The following ARHGAP42 variants were observed in gnomAD, a reference collection of about 807,000 sequenced individuals.
ARHGAP42 encodes Rho GTPase activating protein 42.
A neutral mutation model predicts 125.0 loss-of-function variants in ARHGAP42; 63 were observed. The observed-to-expected ratio is 0.50, with a 90% CI of 0.41 to 0.62. The LOEUF is 0.62. ARHGAP42 is among the 20% of genes least tolerant of loss of function. The pLI is 0.00. For missense variants in ARHGAP42, 766 were observed against 1,024.2 expected, an observed-to-expected ratio of 0.75 and a Z score of 3.44; for synonymous variants, 339 against 351.0, an observed-to-expected ratio of 0.97 and a Z score of 0.38.
chr11:100,730,826 C>A (rs1861943134), intron 1 of ARHGAP42, among the ~76,000 whole-genome samples: 1 of 152,102 alleles, frequency 6.6e-6, no homozygotes, highest in African/African-American at 2.4e-5. Context: ...GCCCATTGTT[C>A]CTAGGCTACA....
chr11:100,814,374 A>G (rs907662079), intron 3 of ARHGAP42, among the ~76,000 whole-genome samples: 19 of 151,830 alleles, frequency 1.3e-4, no homozygotes, highest in Non-Finnish European at 2.2e-4. Flanking sequence ...AAAAAAAAAA[A>G]AAAAGAAAAG....
chr11:100,915,741 C>T (rs962190323), intron 5 of ARHGAP42, among the ~76,000 whole-genome samples: 1 of 152,138 alleles, frequency 6.6e-6, no homozygotes, highest in Non-Finnish European at 1.5e-5. Flanking sequence ...TCCACAAGTA[C>T]ACACACACTT....
At chr11:100,723,358 T>TC (rs1455774328) in intron 1 of ARHGAP42, among the ~76,000 whole-genome samples, 1 of 152,228 alleles carries the variant, frequency 6.6e-6, no homozygotes, top group East Asian at 1.9e-4. Context: ...AATCTATAGA[T>TC]CAAGTTGGGA....
intron 3 of ARHGAP42, among the ~76,000 whole-genome samples, chr11:100,854,500 AAT>A (rs1280449889): frequency 6.6e-6 from 1 of 152,124 alleles, no homozygotes; most frequent in African/African-American, 2.4e-5. Context: ...TTTAGATGAC[AAT>A]ATGTTTTTTT....
intron 3 of ARHGAP42, among the ~76,000 whole-genome samples, chr11:100,834,647 C>T (rs1233064939): frequency 6.6e-6 from 1 of 151,960 alleles, no homozygotes; most frequent in East Asian, 1.9e-4. Flanking sequence ...AATAGACACC[C>T]ATTAGTATTG....
intron 4 of ARHGAP42, among the ~76,000 whole-genome samples, chr11:100,877,897 C>G (rs1030367678): frequency 2.0e-5 from 3 of 150,462 alleles, no homozygotes; most frequent in Middle Eastern, 3.5e-3. Context: ...CCCAGCTACT[C>G]GAGAGGCTGA....
chr11:100,965,812 T>A (rs1375372370), intron 17 of ARHGAP42, 36 bp downstream of exon 17: 2 of 1,488,874 alleles, frequency 1.3e-6, no homozygotes, highest in East Asian at 4.9e-5. Flanking sequence ...TTTAACTTAT[T>A]GTTCATTGTT....
chr11:100,706,599 C>T lies in ARHGAP42; in HGVS notation c.154+18767C>T, dbSNP rs150299832. 2.4e-3 allele frequency among the ~76,000 whole-genome samples: 361 copies of T among 152,260 alleles called. 1 individual carries two copies. The highest frequency in any genetic ancestry group is 8.4e-3 in the African/African-American group (347 of 41,536). On this transcript the variant is annotated intron_variant, in intron 1 of 23. Transcript: ENST00000298815. ...GCAATGACAATTATATATAGTAACT[C>T]AGATTCAAGGGATATTGCTAAAATG... is the stretch of plus-strand genomic sequence containing the variant.
chr11:100,734,224 C>T (rs185431906), intron 1 of ARHGAP42, among the ~76,000 whole-genome samples: 35 of 151,764 alleles, frequency 2.3e-4, no homozygotes, highest in African/African-American at 7.3e-4. Flanking sequence ...TGAGCCACCG[C>T]GCCTGGCCCA....
Position 100,938,054 on chromosome 11 carries a change from A to ATT in ARHGAP42, c.832+1734_832+1735dup, listed in dbSNP as rs35164833. Among the ~76,000 whole-genome samples, 633 of 147,264 alleles carry ATT rather than the reference A, an allele frequency of 4.3e-3. 3 individuals are homozygous for ATT. The highest frequency in any genetic ancestry group is 0.014 in the African/African-American group (560 of 40,068). On this transcript the variant is annotated intron_variant, in intron 8 of 23. Transcript: ENST00000298815. ...CTTTGTGGTACTGACCTCTTCTCTG[A>ATT]TTTTTTTTTTTTTAATCTCTCTTAA...
intron 1 of ARHGAP42, among the ~76,000 whole-genome samples, chr11:100,760,544 C>CAA (rs1862677200): frequency 1.3e-5 from 2 of 151,542 alleles, no homozygotes; most frequent in Non-Finnish European, 2.9e-5. Flanking sequence ...ACTAAAAATA[C>CAA]AAAAAAATTA....
At chr11:100,801,161 G>T (rs765558215) in intron 3 of ARHGAP42, among the ~76,000 whole-genome samples, 11 of 152,134 alleles carry the variant, frequency 7.2e-5, no homozygotes, top group Non-Finnish European at 1.6e-4. Flanking sequence ...TCAGATTTGG[G>T]ATGCTCAACC....
chr11:100,913,127 A>G (rs1180252300), intron 4 of ARHGAP42, among the ~76,000 whole-genome samples: 1 of 152,118 alleles, frequency 6.6e-6, no homozygotes, highest in Non-Finnish European at 1.5e-5. Flanking sequence ...TCAATTATAG[A>G]GCTCTTGGTG....
Position 100,779,520 on chromosome 11 carries a change from G to GTATATATACGTATATATATACA in ARHGAP42, c.250+9086_250+9087insTATACGTATATATATACATATA, listed in dbSNP as rs1255324945. 6.6e-4 allele frequency among the ~76,000 whole-genome samples: 73 copies of GTATATATACGTATATATATACA among 110,144 alleles called. 2 individuals are homozygous for GTATATATACGTATATATATACA. The highest frequency in any genetic ancestry group is 2.3e-3 in the African/African-American group (68 of 29,624). The allele number at this position is 110,144 out of a possible 152,430, so 72.3% of individuals were successfully genotyped here. ...CACATATATACACGTATATATATAC[G>GTATATATACGTATATATATACA]TATACATGCGTATATATACGTATAT... On this transcript the variant is annotated intron_variant, in intron 2 of 23. Coordinates refer to ENST00000298815, the MANE Select transcript of ARHGAP42 (RefSeq NM_152432.4).
chr11:100,860,949 A>G (rs927843276), intron 4 of ARHGAP42, among the ~76,000 whole-genome samples: 4 of 152,244 alleles, frequency 2.6e-5, no homozygotes, highest in Non-Finnish European at 5.9e-5. Context: ...TGATAAGATG[A>G]ACGGATGTAG....
intron 1 of ARHGAP42, among the ~76,000 whole-genome samples, chr11:100,719,784 G>A (rs564552650): frequency 1.3e-5 from 2 of 152,306 alleles, no homozygotes; most frequent in South Asian, 4.1e-4. Context: ...TCCTGAGCCT[G>A]TTGTTTTACA....
intron 8 of ARHGAP42, 116 bp downstream of exon 8, chr11:100,936,448 A>G (rs1301357147): frequency 5.6e-5 from 76 of 1,359,046 alleles, no homozygotes; most frequent in Middle Eastern, 1.9e-4. Flanking sequence ...ATAGCTTTAT[A>G]TCTACTTTCC....
At chr11:100,798,860 A>G (rs568418259) in intron 3 of ARHGAP42, among the ~76,000 whole-genome samples, 31 of 152,152 alleles carry the variant, frequency 2.0e-4, no homozygotes, top group Non-Finnish European at 2.8e-4. Context: ...AGAGAAAGCC[A>G]TTTGAGGAAG....
At position 100,929,091 on chromosome 11, in the gene ARHGAP42, C is replaced by T. The variant is rs1263530077; in HGVS notation, c.598-4065C>T. ...CCCCAACCTTTTTGGCACCAGAGAC[C>T]AGTTTTATGGAAGACTATTTTTCCA... On this transcript the variant is annotated intron_variant, in intron 6 of 23. Coordinates refer to ENST00000298815, the MANE Select transcript of ARHGAP42 (RefSeq NM_152432.4). Among the ~76,000 whole-genome samples, 4 of 152,168 alleles carry T rather than the reference C, an allele frequency of 2.6e-5. No individual in the cohort carries two copies. In the East Asian group the frequency reaches 7.7e-4, roughly 29 times the overall value.
Sources: gnomAD v4.1 joint callset for allele counts (sites outside exome capture counted in the v4.1 genomes callset) on GRCh38, gnomAD v4.1.1 for gene constraint, MANE v1.5 for transcripts, NCBI Gene and HGNC (gene_info 2026-07-23, HGNC 2026-07-21) for gene names.